PARP8: variants seen among roughly 807,000 people sequenced by gnomAD.
PARP8 encodes poly(ADP-ribose) polymerase family member 8.
In PARP8, 51 loss-of-function variants were observed where a neutral mutation model predicts 124.1. That is an observed-to-expected ratio of 0.41 (90% CI 0.33 to 0.52). The LOEUF (loss-of-function observed/expected upper bound fraction) is 0.52. PARP8 is among the 20% of genes least tolerant of loss of function. The probability of loss-of-function intolerance (pLI) is 0.21; values close to 1 mark genes in which losing one functional copy is unlikely to be tolerated. For missense variants in PARP8, 860 were observed against 1,018.9 expected (o/e 0.84, Z 2.12); for synonymous variants, 391 against 361.5 (o/e 1.08, Z -0.93).
intron 17 of PARP8, among the ~76,000 whole-genome samples, chr5:50,823,442 T>C (rs544051886): frequency 6.6e-6 from 1 of 152,364 alleles, no homozygotes; most frequent in South Asian, 2.1e-4. Flanking sequence ...TCACAAATGT[T>C]ATTATTTGCT....
chr5:50,696,726 A>G (rs921439389), intron 2 of PARP8, among the ~76,000 whole-genome samples: 5 of 151,926 alleles, frequency 3.3e-5, no homozygotes, highest in African/African-American at 1.2e-4. Context: ...GCCATCCCTA[A>G]TCACTTCTCA....
intron 2 of PARP8, among the ~76,000 whole-genome samples, chr5:50,691,431 C>G (rs1266175661): frequency 1.3e-5 from 2 of 152,180 alleles, no homozygotes; most frequent in Non-Finnish European, 2.9e-5. Flanking sequence ...GCGCTCCTCT[C>G]TTGGCTGCTG....
intron 10 of PARP8, 26 bp from the exon 11 acceptor site, chr5:50,794,181 T>C: frequency 3.1e-6 from 5 of 1,600,452 alleles, no homozygotes; most frequent in Non-Finnish European, 4.3e-6. Flanking sequence ...GGAATGGTGA[T>C]AACAGAATTA....
chr5:50,827,686 A>G (rs1215666459), intron 19 of PARP8, among the ~76,000 whole-genome samples: 1 of 152,142 alleles, frequency 6.6e-6, no homozygotes. Flanking sequence ...GCTAAATATA[A>G]ATGGCTTTGG....
At chr5:50,832,173 G>GT (rs1173529495) in intron 22 of PARP8, among the ~76,000 whole-genome samples, 3 of 152,136 alleles carry the variant, frequency 2.0e-5, no homozygotes, top group Non-Finnish European at 2.9e-5. Flanking sequence ...TGGTGTAACA[G>GT]TAGATGAACA....
intron 2 of PARP8, among the ~76,000 whole-genome samples, chr5:50,737,877 CTAAA>C (rs1477321131): frequency 6.6e-6 from 1 of 152,124 alleles, no homozygotes; most frequent in Non-Finnish European, 1.5e-5. Flanking sequence ...CATTTGCTAA[CTAAA>C]TACTTACTAA....
chr5:50,690,049 GA>G (rs1300353677), intron 2 of PARP8, among the ~76,000 whole-genome samples: 1 of 152,162 alleles, frequency 6.6e-6, no homozygotes, highest in Non-Finnish European at 1.5e-5. Flanking sequence ...GGGGACAAGG[GA>G]GACTTTTCTC....
At chr5:50,684,014 G>A (rs1461602837) in intron 2 of PARP8, among the ~76,000 whole-genome samples, 3 of 152,160 alleles carry the variant, frequency 2.0e-5, no homozygotes, top group Admixed American at 1.3e-4. Context: ...ATATAAAACT[G>A]TACACAATTT....
intron 2 of PARP8, among the ~76,000 whole-genome samples, chr5:50,703,505 T>C (rs1424827183): frequency 6.6e-6 from 1 of 152,126 alleles, no homozygotes; most frequent in African/African-American, 2.4e-5. Context: ...GAAGGATTCA[T>C]GATTATTATT....
chr5:50,845,678 A>G lies in PARP8; in HGVS notation c.*3610A>G, dbSNP rs940227886. 2.0e-5 allele frequency: 3 copies of G among 151,802 alleles called. No homozygotes were observed. Among genetic ancestry groups the G allele is most frequent in the East Asian group, 3.9e-4 (2 of 5,162 alleles). The allele number at this position is 151,802 out of a possible 1,614,324, so 9.4% of individuals were successfully genotyped here. On this transcript the variant is annotated 3_prime_UTR_variant, in exon 26 of 26. Coordinates refer to ENST00000281631, the MANE Select transcript of PARP8 (RefSeq NM_024615.4). ...GTAACAATGTCAGGGTTAACACCCA[A>G]TGAATTATTTGAAACAATTTGGGTT...
At chr5:50,749,878 C>T (rs936550030) in intron 2 of PARP8, among the ~76,000 whole-genome samples, 4 of 152,028 alleles carry the variant, frequency 2.6e-5, no homozygotes, top group African/African-American at 9.7e-5. Context: ...AATAAAAGAC[C>T]TGTCTATACT....
At chr5:50,803,697 T>C (rs183539651) in intron 14 of PARP8, among the ~76,000 whole-genome samples, 3 of 152,320 alleles carry the variant, frequency 2.0e-5, no homozygotes, top group Admixed American at 2.0e-4. Flanking sequence ...ACATTGTCTT[T>C]TCTTCATTTA....
At chr5:50,738,186 A>G (rs1161124742) in intron 2 of PARP8, among the ~76,000 whole-genome samples, 2 of 152,224 alleles carry the variant, frequency 1.3e-5, no homozygotes, top group Non-Finnish European at 2.9e-5. Flanking sequence ...TAGTATTTAA[A>G]CAGAGTAATG....
At chr5:50,723,507 T>C (rs772828856) in intron 2 of PARP8, among the ~76,000 whole-genome samples, 14 of 152,008 alleles carry the variant, frequency 9.2e-5, no homozygotes, top group Non-Finnish European at 1.9e-4. Flanking sequence ...TTTTTTTGTG[T>C]GTGGTTGATT....
intron 2 of PARP8, among the ~76,000 whole-genome samples, chr5:50,740,970 G>A (rs1211839373): frequency 6.6e-6 from 1 of 152,080 alleles, no homozygotes; most frequent in Non-Finnish European, 1.5e-5. Context: ...CCCTTTCCAT[G>A]ACAAAGCCTT....
intron 2 of PARP8, among the ~76,000 whole-genome samples, chr5:50,670,342 A>G (rs561158321): frequency 2.6e-5 from 4 of 152,218 alleles, no homozygotes; most frequent in Non-Finnish European, 5.9e-5. Flanking sequence ...TTAAGAACAT[A>G]TTTCAAGAAT....
At chr5:50,677,128 G>A (rs1458332515) in intron 2 of PARP8, among the ~76,000 whole-genome samples, 5 of 152,014 alleles carry the variant, frequency 3.3e-5, no homozygotes, top group African/African-American at 9.7e-5. Context: ...AAATCTTAAC[G>A]GAGTGAATTC....
chr5:50,754,150 T>TATACACAC (rs1312947286), intron 3 of PARP8, among the ~76,000 whole-genome samples: 6 of 37,194 alleles, frequency 1.6e-4, no homozygotes, highest in Non-Finnish European at 2.0e-4. Context: ...TATATATATA[T>TATACACAC]ACACACACAC....
intron 2 of PARP8, among the ~76,000 whole-genome samples, chr5:50,737,692 G>A (rs282557): frequency 0.85 from 129,781 of 152,154 alleles, 55,616 homozygotes; most frequent in East Asian, 0.96. Flanking sequence ...TTCTGCTTCC[G>A]TATGAAAAAT....
Sources: gnomAD v4.1 joint callset for allele counts (sites outside exome capture counted in the v4.1 genomes callset) on GRCh38, gnomAD v4.1.1 for gene constraint, MANE v1.5 for transcripts, NCBI Gene and HGNC (gene_info 2026-07-23, HGNC 2026-07-21) for gene names.